Variants in WWOX observed in about 807,000 individuals in gnomAD.
WWOX encodes WW domain-containing oxidoreductase.
In WWOX, 69 loss-of-function variants were observed where a neutral mutation model predicts 46.2. The observed-to-expected ratio is 1.49, with a 90% CI of 1.23 to 1.82. The LOEUF is 1.82. WWOX is among the 40% of genes most tolerant of loss of function. The probability of loss-of-function intolerance (pLI) is 0.00; values close to 1 mark genes in which losing one functional copy is unlikely to be tolerated. For synonymous variants in WWOX, 359 were observed against 202.6 expected (o/e 1.77, Z -6.56); for missense variants, 919 against 542.6 (o/e 1.69, Z -6.89).
chr16:78,143,588 A>C (rs1217190155), intron 4 of WWOX, among the ~76,000 whole-genome samples: 1 of 152,148 alleles, frequency 6.6e-6, no homozygotes. Flanking sequence ...CAAGATATTT[A>C]CTGCATTTAT....
intron 5 of WWOX, among the ~76,000 whole-genome samples, chr16:78,208,463 AT>A (rs1227226672): frequency 3.3e-5 from 5 of 152,354 alleles, no homozygotes; most frequent in African/African-American, 1.2e-4. Context: ...GACAAATCAA[AT>A]TAAATCTCAT....
chr16:79,081,750 G>A (rs974111030), intron 8 of WWOX, among the ~76,000 whole-genome samples: 4 of 152,044 alleles, frequency 2.6e-5, no homozygotes, highest in Non-Finnish European at 1.5e-5. Context: ...CATGGCTTGC[G>A]GGGGCTCCTG....
chr16:78,582,287 T>G (rs2045078346), intron 8 of WWOX, among the ~76,000 whole-genome samples: 1 of 152,214 alleles, frequency 6.6e-6, no homozygotes, highest in African/African-American at 2.4e-5. Context: ...CAATTGCTGT[T>G]GGATTATGTT....
chr16:78,775,718 A>G (rs36095292), intron 8 of WWOX, among the ~76,000 whole-genome samples: 8,898 of 152,284 alleles, frequency 0.058, 367 homozygotes, highest in African/African-American at 0.12. Flanking sequence ...TGTTCATTCA[A>G]TGGTGGGTAT....
chr16:78,666,197 G>T (rs1334074594), intron 8 of WWOX, among the ~76,000 whole-genome samples: 1 of 152,048 alleles, frequency 6.6e-6, no homozygotes, highest in Non-Finnish European at 1.5e-5. Flanking sequence ...TAAGGCAGGG[G>T]GATTGTTGGA....
At chr16:78,538,708 G>T (rs1386589042) in intron 8 of WWOX, among the ~76,000 whole-genome samples, 1 of 152,128 alleles carries the variant, frequency 6.6e-6, no homozygotes, top group African/African-American at 2.4e-5. Flanking sequence ...ATTGTTAAGG[G>T]ACCAGGTTAA....
chr16:78,623,093 T>C (rs1355398422), intron 8 of WWOX, among the ~76,000 whole-genome samples: 1 of 151,936 alleles, frequency 6.6e-6, no homozygotes, highest in Non-Finnish European at 1.5e-5. Context: ...GTCAAGCCTC[T>C]GATGAGACCG....
chr16:78,125,614 C>G (rs925595502), intron 4 of WWOX, among the ~76,000 whole-genome samples: 1 of 152,102 alleles, frequency 6.6e-6, no homozygotes, highest in Non-Finnish European at 1.5e-5. Context: ...GTAAACCCAG[C>G]CCTTTGGGAG....
At chr16:79,191,432 A>G (rs1290910209) in intron 8 of WWOX, among the ~76,000 whole-genome samples, 1 of 152,098 alleles carries the variant, frequency 6.6e-6, no homozygotes, top group East Asian at 1.9e-4. Context: ...ATTAAATCTA[A>G]CACCTTTATC....
At chr16:78,595,942 T>G (rs1003799153) in intron 8 of WWOX, among the ~76,000 whole-genome samples, 8 of 152,096 alleles carry the variant, frequency 5.3e-5, no homozygotes, top group African/African-American at 1.9e-4. Flanking sequence ...AAAAGAAACC[T>G]GAACTCAGGA....
At chr16:78,255,497 TAGCTGCAAA>T (rs2038103813) in intron 5 of WWOX, among the ~76,000 whole-genome samples, 1 of 152,168 alleles carries the variant, frequency 6.6e-6, no homozygotes, top group South Asian at 2.1e-4. Flanking sequence ...AAGAGAGAGG[TAGCTGCAAA>T]AGCTAATTTA....
At chr16:78,818,856 C>T (rs766657918) in intron 8 of WWOX, among the ~76,000 whole-genome samples, 2 of 152,114 alleles carry the variant, frequency 1.3e-5, no homozygotes, top group Non-Finnish European at 2.9e-5. Context: ...GGCAGAAATT[C>T]GTTAGCACTG....
intron 8 of WWOX, among the ~76,000 whole-genome samples, chr16:78,913,280 G>C (rs1006109800): frequency 2.6e-5 from 4 of 151,976 alleles, no homozygotes; most frequent in Non-Finnish European, 5.9e-5. Flanking sequence ...ACATCAGCAA[G>C]CCCGTTTTTT....
chr16:79,040,179 A>G (rs1015314163), intron 8 of WWOX, among the ~76,000 whole-genome samples: 1 of 152,074 alleles, frequency 6.6e-6, no homozygotes, highest in South Asian at 2.1e-4. Flanking sequence ...TTGGAAAATG[A>G]TAGCGTTCAT....
chr16:78,483,164 T>G (rs1463554600), intron 8 of WWOX, among the ~76,000 whole-genome samples: 1 of 152,172 alleles, frequency 6.6e-6, no homozygotes, highest in East Asian at 1.9e-4. Flanking sequence ...CTTCTATTTT[T>G]TAAAAATGCA....
At chr16:79,038,521 A>G (rs2047911051) in intron 8 of WWOX, among the ~76,000 whole-genome samples, 1 of 152,226 alleles carries the variant, frequency 6.6e-6, no homozygotes, top group Non-Finnish European at 1.5e-5. Context: ...TTTTAACAAT[A>G]TATTATCAGA....
At chr16:78,120,426 C>T (rs1211728712) in intron 4 of WWOX, among the ~76,000 whole-genome samples, 1 of 152,036 alleles carries the variant, frequency 6.6e-6, no homozygotes, top group African/African-American at 2.4e-5. Flanking sequence ...AAAAATTAGC[C>T]AGGCGCAGTG....
At chr16:78,863,075 C>T (rs567772465) in intron 8 of WWOX, among the ~76,000 whole-genome samples, 18 of 151,686 alleles carry the variant, frequency 1.2e-4, no homozygotes, top group Non-Finnish European at 2.4e-4. Flanking sequence ...TCTCCTGCCT[C>T]AGCCTCCCAA....
intron 8 of WWOX, among the ~76,000 whole-genome samples, chr16:78,538,191 A>T (rs185187481): frequency 1.5e-5 from 2 of 134,498 alleles, no homozygotes; most frequent in South Asian, 2.6e-4. Context: ...GATAGATTGT[A>T]ATCTTTAATT....
Sources: gnomAD v4.1 joint callset for allele counts (sites outside exome capture counted in the v4.1 genomes callset) on GRCh38, gnomAD v4.1.1 for gene constraint, MANE v1.5 for transcripts, NCBI Gene and HGNC (gene_info 2026-07-23, HGNC 2026-07-21) for gene names.